Variants in TGFBR3 observed in about 807,000 individuals in gnomAD.
TGFBR3 encodes transforming growth factor beta receptor 3, also known as transforming growth factor beta receptor type 3.
A neutral mutation model predicts 87.9 loss-of-function variants in TGFBR3; 46 were observed. The observed-to-expected ratio is 0.52, with a 90% CI of 0.41 to 0.67. The LOEUF (loss-of-function observed/expected upper bound fraction) is 0.67. TGFBR3 is among the 30% of genes least tolerant of loss of function. TGFBR3 has a pLI of 0.00. For missense variants in TGFBR3, 866 were observed against 1,041.9 expected (o/e 0.83, Z 2.32); for synonymous variants, 381 against 391.6 (o/e 0.97, Z 0.32).
At chr1:91,811,982 G>A (rs1157911213) in intron 2 of TGFBR3, among the ~76,000 whole-genome samples, 1 of 147,860 alleles carries the variant, frequency 6.8e-6, no homozygotes, top group African/African-American at 2.5e-5. Flanking sequence ...ACTTTGCTTT[G>A]GTGTTTTTCC....
At chr1:91,856,807 C>T (rs180770241) in intron 2 of TGFBR3, among the ~76,000 whole-genome samples, 137 of 152,336 alleles carry the variant, frequency 9.0e-4, no homozygotes, top group African/African-American at 3.1e-3. Context: ...CTGGTAGCTA[C>T]TCACCTGGTA....
chr1:91,791,181 C>G (rs1366153403), intron 3 of TGFBR3, among the ~76,000 whole-genome samples: 2 of 152,024 alleles, frequency 1.3e-5, no homozygotes, highest in African/African-American at 4.8e-5. Context: ...TCTTACCACA[C>G]AGTTAAAACA....
intron 2 of TGFBR3, among the ~76,000 whole-genome samples, chr1:91,820,650 C>T (rs1262774999): frequency 6.6e-6 from 1 of 152,170 alleles, no homozygotes; most frequent in Admixed American, 6.5e-5. Flanking sequence ...TGCACCACTG[C>T]ACTCCAGCCT....
At chr1:91,745,546 T>C (rs1002239174) in intron 4 of TGFBR3, among the ~76,000 whole-genome samples, 1 of 152,232 alleles carries the variant, frequency 6.6e-6, no homozygotes, top group Non-Finnish European at 1.5e-5. Flanking sequence ...TATGCTTTTA[T>C]GTATTTTGGA....
intron 1 of TGFBR3, among the ~76,000 whole-genome samples, chr1:91,862,848 C>G (rs1571583709): frequency 6.6e-6 from 1 of 152,180 alleles, no homozygotes; most frequent in African/African-American, 2.4e-5. Flanking sequence ...TCTCACACAC[C>G]TGGGGGTTGT....
intron 1 of TGFBR3, among the ~76,000 whole-genome samples, chr1:91,881,755 T>C (rs1310724698): frequency 6.6e-6 from 1 of 152,090 alleles, no homozygotes; most frequent in African/African-American, 2.4e-5. Context: ...CTACATAATA[T>C]GGGGCCGGGC....
intron 2 of TGFBR3, among the ~76,000 whole-genome samples, chr1:91,821,068 T>C (rs566069143): frequency 6.6e-6 from 1 of 152,134 alleles, no homozygotes; most frequent in South Asian, 2.1e-4. Context: ...CAGTGGCTCA[T>C]GACTGTAATC....
chr1:91,857,233 C>T (rs1180999244), intron 2 of TGFBR3, among the ~76,000 whole-genome samples: 3 of 152,070 alleles, frequency 2.0e-5, no homozygotes, highest in Non-Finnish European at 4.4e-5. Context: ...AGCATCCAAA[C>T]CACAGAATAA....
intron 14 of TGFBR3, among the ~76,000 whole-genome samples, chr1:91,705,037 C>T (rs572387396): frequency 2.0e-4 from 31 of 152,198 alleles, no homozygotes; most frequent in Admixed American, 1.1e-3. Flanking sequence ...GGAGTTTTGG[C>T]ATGGCCTTCA....
intron 2 of TGFBR3, among the ~76,000 whole-genome samples, chr1:91,891,999 C>A (rs1679461573): frequency 6.6e-6 from 1 of 152,142 alleles, no homozygotes; most frequent in African/African-American, 2.4e-5. Context: ...AGAGCAGAGT[C>A]CAAAGCAGGC....
chr1:91,883,206 A>G (rs1679166795), intron 1 of TGFBR3, among the ~76,000 whole-genome samples: 1 of 152,156 alleles, frequency 6.6e-6, no homozygotes, highest in Non-Finnish European at 1.5e-5. Context: ...GGGTCTCACT[A>G]TGTTACCCAG....
At chr1:91,699,655 C>A (rs1202017214) in intron 14 of TGFBR3, among the ~76,000 whole-genome samples, 4 of 152,016 alleles carry the variant, frequency 2.6e-5, no homozygotes, top group Admixed American at 6.6e-5. Context: ...ATGAAGAAGG[C>A]AGAAAAAAAT....
chr1:91,829,573 T>G (rs903037075), intron 2 of TGFBR3, among the ~76,000 whole-genome samples: 1 of 151,992 alleles, frequency 6.6e-6, no homozygotes, highest in Non-Finnish European at 1.5e-5. Context: ...AGCAGTCCCC[T>G]CAAAGGAAGC....
intron 2 of TGFBR3, among the ~76,000 whole-genome samples, chr1:91,802,269 T>C (rs1434817582): frequency 1.3e-5 from 2 of 152,212 alleles, no homozygotes; most frequent in Non-Finnish European, 2.9e-5. Context: ...CCTTTTTCCA[T>C]AGATTTTCTC....
At chr1:91,762,342 G>C (rs1441949793) in intron 3 of TGFBR3, among the ~76,000 whole-genome samples, 1 of 152,124 alleles carries the variant, frequency 6.6e-6, no homozygotes, top group African/African-American at 2.4e-5. Context: ...CTCCCCGTTA[G>C]GCACCCATTA....
intron 3 of TGFBR3, among the ~76,000 whole-genome samples, chr1:91,784,974 A>G (rs1166486681): frequency 6.6e-6 from 1 of 152,218 alleles, no homozygotes; most frequent in Non-Finnish European, 1.5e-5. Flanking sequence ...CAGGCCATGC[A>G]GGTCTCTGAC....
intron 3 of TGFBR3, among the ~76,000 whole-genome samples, chr1:91,765,511 A>G (rs1483438357): frequency 2.0e-5 from 3 of 152,138 alleles, no homozygotes; most frequent in African/African-American, 7.2e-5. Flanking sequence ...TATGCTGGAC[A>G]GCATGCCAAG....
At chr1:91,902,614 C>CT (rs957174304) in intron 1 of TGFBR3, among the ~76,000 whole-genome samples, 32 of 147,882 alleles carry the variant, frequency 2.2e-4, no homozygotes, top group Admixed American at 4.1e-4. Flanking sequence ...TCTTTTCTTT[C>CT]TTTTTTTTTT....
At chr1:91,842,097 G>C (rs1677310216) in intron 2 of TGFBR3, among the ~76,000 whole-genome samples, 1 of 131,022 alleles carries the variant, frequency 7.6e-6, no homozygotes, top group African/African-American at 3.1e-5. Context: ...GCAAGACTCT[G>C]CCAAAAAAAA....
Sources: allele counts gnomAD v4.1 joint callset (sites outside exome capture counted in the v4.1 genomes callset), GRCh38; gene constraint gnomAD v4.1.1; transcripts MANE v1.5; gene names NCBI Gene and HGNC (gene_info 2026-07-23, HGNC 2026-07-21).